Variants in LSAMP observed in about 807,000 individuals in gnomAD.
The protein encoded by LSAMP is limbic system-associated membrane protein.
In LSAMP, 7 loss-of-function variants were observed where a neutral mutation model predicts 38.6. That is an observed-to-expected ratio of 0.18 (90% CI 0.10 to 0.34). The LOEUF (loss-of-function observed/expected upper bound fraction) is 0.34, where lower values mean the gene tolerates loss of function less well. Ranked by LOEUF, LSAMP falls within the 10% of genes least tolerant of loss-of-function variation. The probability of loss-of-function intolerance (pLI) is 1.00; values close to 1 mark genes in which losing one functional copy is unlikely to be tolerated. For synonymous variants in LSAMP, 154 were observed against 166.8 expected, an observed-to-expected ratio of 0.92 and a Z score of 0.59; for missense variants, 313 against 420.0, an observed-to-expected ratio of 0.75 and a Z score of 2.23.
intron 1 of LSAMP, among the ~76,000 whole-genome samples, chr3:116,103,007 C>T (rs531886551): frequency 5.9e-5 from 9 of 152,076 alleles, no homozygotes; most frequent in Admixed American, 2.0e-4. Context: ...TACCCACCCC[C>T]CCAAAAAAAA....
chr3:115,867,029 G>T (rs1576165331), intron 3 of LSAMP, among the ~76,000 whole-genome samples: 1 of 151,948 alleles, frequency 6.6e-6, no homozygotes, highest in Non-Finnish European at 1.5e-5. Flanking sequence ...GAAGAGGGGG[G>T]TCATAAATTC....
In LSAMP at chr3:116,283,929, C is replaced by A. The variant is rs541831868; in HGVS notation, c.155+160948G>T. Among the ~76,000 whole-genome samples the A allele has an allele frequency of 2.0e-5, 3 of 152,128 alleles. No homozygotes were observed. The East Asian group carries it at 5.8e-4, about 29-fold the overall frequency. ...GCTGAGGTAGAAGAATTGCTTGAAC[C>A]CAGGAGGCGGAGGTTGCAGTGAGCC... is the stretch of plus-strand genomic sequence containing the variant. On this transcript the variant is annotated intron_variant, in intron 1 of 6. Transcript: ENST00000490035.
chr3:116,140,061 T>A (rs1307414577), intron 1 of LSAMP, among the ~76,000 whole-genome samples: 1 of 152,034 alleles, frequency 6.6e-6, no homozygotes, highest in Non-Finnish European at 1.5e-5. Context: ...AAATGGTCCC[T>A]GAACACTAGG....
Position 116,375,272 on chromosome 3 carries a change from T to C in LSAMP, c.155+69605A>G, listed in dbSNP as rs565019802. 2.6e-3 allele frequency among the ~76,000 whole-genome samples: 396 copies of C among 152,084 alleles called. 1 individual carries two copies. Among genetic ancestry groups the C allele is most frequent in the Non-Finnish European group, 4.2e-3 (284 of 67,904 alleles). The stretch of plus-strand genomic sequence containing the variant: ...CACGCTGAACATTTTTGGCTGCTGT[T>C]TGTTGCTGGGAAAGTATTGGAAAAA... On this transcript the variant is annotated intron_variant, in intron 1 of 6. Coordinates refer to ENST00000490035, the MANE Select transcript of LSAMP (RefSeq NM_002338.5).
intron 6 of LSAMP, among the ~76,000 whole-genome samples, chr3:115,812,444 C>A (rs995418807): frequency 2.0e-5 from 3 of 152,134 alleles, no homozygotes; most frequent in African/African-American, 7.2e-5. Flanking sequence ...TGTCTTAAGT[C>A]ATCTCAAGGC....
In LSAMP at chr3:116,113,400, CTATATATATATATATA is replaced by C. The variant is rs5851991; in HGVS notation, c.156-26860_156-26845del. Among the ~76,000 whole-genome samples the C allele has an allele frequency of 5.7e-3, 500 of 87,054 alleles. 23 individuals are homozygous for C. The highest frequency in any genetic ancestry group is 7.3e-3 in the South Asian group (15 of 2,064). 57.1% of individuals were successfully genotyped at this position (87,054 alleles called of 152,430 possible). On this transcript the variant is annotated intron_variant, in intron 1 of 6. Transcript: ENST00000490035. Reference sequence around the variant, plus strand: ...TAGAAATTTTAGAAATATGTTTGCCCTATATATATATATATATATATTTTTTTTTTTTTTTTTTTTT... The same window carrying C: ...TAGAAATTTTAGAAATATGTTTGCCCTATATTTTTTTTTTTTTTTTTTTTT...
At chr3:115,970,566 T>C (rs1023308942) in intron 3 of LSAMP, among the ~76,000 whole-genome samples, 1 of 152,176 alleles carries the variant, frequency 6.6e-6, no homozygotes, top group African/African-American at 2.4e-5. Flanking sequence ...CTTGGGGCTG[T>C]CTATCTTGGA....
intron 1 of LSAMP, among the ~76,000 whole-genome samples, chr3:116,413,709 T>A (rs1275440710): frequency 6.6e-6 from 1 of 151,996 alleles, no homozygotes; most frequent in African/African-American, 2.4e-5. Context: ...GGGTACAAAT[T>A]ATCCACAGAA....
intron 1 of LSAMP, among the ~76,000 whole-genome samples, chr3:116,245,775 T>C (rs968998134): frequency 1.3e-5 from 2 of 151,966 alleles, no homozygotes; most frequent in African/African-American, 4.8e-5. Context: ...GAACCCAAAC[T>C]GAGGCACACA....
In LSAMP at chr3:116,207,390, T is replaced by C. The variant is rs1213637145; in HGVS notation, c.156-120834A>G. 2.6e-5 allele frequency among the ~76,000 whole-genome samples: 4 copies of C among 151,902 alleles called. No individual in the cohort carries two copies. The East Asian group carries it at 7.7e-4, about 29-fold the overall frequency. On this transcript the variant is annotated intron_variant, in intron 1 of 6. Coordinates refer to ENST00000490035, the MANE Select transcript of LSAMP (RefSeq NM_002338.5). ...CAGTCTGTGTCTTTTAATTGGAGCA[T>C]TTAGTCCATTTACATTTAAAGTTAA... is the stretch of plus-strand genomic sequence containing the variant.
chr3:115,961,422 G>A (rs908451742), intron 3 of LSAMP, among the ~76,000 whole-genome samples: 1 of 152,128 alleles, frequency 6.6e-6, no homozygotes, highest in African/African-American at 2.4e-5. Context: ...AGAATTCGTA[G>A]CAAGAAGCAC....
intron 1 of LSAMP, among the ~76,000 whole-genome samples, chr3:116,185,250 A>C (rs1360421646): frequency 6.6e-6 from 1 of 151,964 alleles, no homozygotes; most frequent in Non-Finnish European, 1.5e-5. Context: ...CTACTGTAGA[A>C]TGTAGTTAGT....
At chr3:115,873,191 G>A (rs981833112) in intron 3 of LSAMP, among the ~76,000 whole-genome samples, 5 of 151,872 alleles carry the variant, frequency 3.3e-5, no homozygotes, top group Non-Finnish European at 7.4e-5. Flanking sequence ...CCAACATGAC[G>A]AAACGCTGTC....
At chr3:116,207,518 G>C (rs1282518964) in intron 1 of LSAMP, among the ~76,000 whole-genome samples, 1 of 151,308 alleles carries the variant, frequency 6.6e-6, no homozygotes, top group Non-Finnish European at 1.5e-5. Flanking sequence ...TTTACATTTT[G>C]GCATGATTTT....
chr3:116,312,912 T>C (rs1166434102), intron 1 of LSAMP, among the ~76,000 whole-genome samples: 4 of 152,068 alleles, frequency 2.6e-5, no homozygotes, highest in Admixed American at 1.3e-4. Flanking sequence ...ATGCATGCAT[T>C]CCACTCATGA....
intron 1 of LSAMP, among the ~76,000 whole-genome samples, chr3:116,309,903 G>C (rs975550297): frequency 1.3e-5 from 2 of 152,100 alleles, no homozygotes; most frequent in African/African-American, 4.8e-5. Flanking sequence ...TGCAAGTATT[G>C]CTGCCCTTGT....
intron 1 of LSAMP, among the ~76,000 whole-genome samples, chr3:116,205,426 C>T (rs2046053356): frequency 1.7e-5 from 1 of 59,132 alleles, no homozygotes; most frequent in South Asian, 7.5e-4. Flanking sequence ...CTGGCCAGAA[C>T]TTCCAACACT....
chr3:116,303,380 C>A (rs1459683371), intron 1 of LSAMP, among the ~76,000 whole-genome samples: 4 of 152,182 alleles, frequency 2.6e-5, no homozygotes, highest in Admixed American at 6.5e-5. Flanking sequence ...GACTGGCTAA[C>A]TTGGTGCCAA....
At chr3:116,272,237 G>GACTT (rs1266245666) in intron 1 of LSAMP, among the ~76,000 whole-genome samples, 20 of 152,178 alleles carry the variant, frequency 1.3e-4, no homozygotes, top group Non-Finnish European at 2.4e-4. Flanking sequence ...TATGAACACG[G>GACTT]ACTTATCCTG....
Sources: gnomAD v4.1 joint callset for allele counts (sites outside exome capture counted in the v4.1 genomes callset) on GRCh38, gnomAD v4.1.1 for gene constraint, MANE v1.5 for transcripts, NCBI Gene and HGNC (gene_info 2026-07-23, HGNC 2026-07-21) for gene names.